The following ANO10 variants were observed in gnomAD, a reference collection of about 807,000 sequenced individuals.
ANO10 encodes anoctamin-10.
Under a neutral mutation model 74.7 loss-of-function variants are expected in ANO10, and 77 were observed. That is an observed-to-expected ratio of 1.03 (90% CI 0.86 to 1.25). The LOEUF (loss-of-function observed/expected upper bound fraction) is 1.25, where lower values mean the gene tolerates loss of function less well. ANO10 is among the 50% of genes most tolerant of loss of function. The pLI, the probability that ANO10 is intolerant of heterozygous loss-of-function variation, is 0.00. For synonymous variants in ANO10, 279 were observed against 284.9 expected (o/e 0.98, Z 0.21); for missense variants, 721 against 778.1 (o/e 0.93, Z 0.87).
intron 4 of ANO10, among the ~76,000 whole-genome samples, chr3:43,593,663 AC>A (rs199850850): frequency 0.055 from 8,417 of 152,280 alleles, 318 homozygotes; most frequent in Admixed American, 0.11. Context: ...AACATGCCCA[AC>A]TGTAAAGACC....
At chr3:43,678,780 T>C (rs2084156046) in intron 1 of ANO10, among the ~76,000 whole-genome samples, 2 of 152,236 alleles carry the variant, frequency 1.3e-5, no homozygotes, top group African/African-American at 4.8e-5. Context: ...CATAAAATTG[T>C]AATTTGAGCC....
intron 7 of ANO10, among the ~76,000 whole-genome samples, chr3:43,568,499 T>G (rs1240049237): frequency 7.3e-5 from 11 of 150,698 alleles, no homozygotes; most frequent in African/African-American, 2.7e-4. Flanking sequence ...CAGACCACAG[T>G]GCAATCAAAC....
intron 12 of ANO10, among the ~76,000 whole-genome samples, chr3:43,406,376 CTATAAA>C (rs1348210167): frequency 9.2e-5 from 14 of 152,300 alleles, no homozygotes; most frequent in African/African-American, 3.4e-4. Context: ...AAACATCGAG[CTATAAA>C]TATCATGACG....
At chr3:43,367,101 C>A in intron 12 of ANO10, 127 bp from the exon 13 acceptor site, 2 of 847,812 alleles carry the variant, frequency 2.4e-6, no homozygotes, top group South Asian at 1.4e-5. Flanking sequence ...ATGCTGCCTG[C>A]AGCTTCCTGC....
intron 11 of ANO10, among the ~76,000 whole-genome samples, chr3:43,526,061 T>C (rs1250536738): frequency 2.0e-5 from 3 of 152,166 alleles, no homozygotes; most frequent in Non-Finnish European, 4.4e-5. Flanking sequence ...AGTAAAAAAG[T>C]CATTAAATGC....
intron 11 of ANO10, among the ~76,000 whole-genome samples, chr3:43,466,057 A>G (rs976173405): frequency 6.6e-6 from 1 of 152,162 alleles, no homozygotes; most frequent in Admixed American, 6.5e-5. Flanking sequence ...GACTAACACT[A>G]TCTGACATGA....
chr3:43,683,547 A>G (rs2084230557), intron 1 of ANO10, among the ~76,000 whole-genome samples: 1 of 152,206 alleles, frequency 6.6e-6, no homozygotes, highest in South Asian at 2.1e-4. Context: ...TCAAGCTACC[A>G]ATGACTTTCT....
chr3:43,660,616 T>C (rs1321860761), intron 1 of ANO10, among the ~76,000 whole-genome samples: 1 of 152,112 alleles, frequency 6.6e-6, no homozygotes, highest in African/African-American at 2.4e-5. Flanking sequence ...CAAATCTATG[T>C]TTGATTGGTG....
chr3:43,680,212 T>C lies in ANO10; in HGVS notation c.-12+11305A>G, dbSNP rs182668933. ...AAAAAAAATTAGACGAATGGCTAAC[T>C]AGAATAACCAATGCAGAGGAGTCCT... On this transcript the variant is annotated intron_variant, in intron 1 of 3. Transcript: ENST00000413397. Among the ~76,000 whole-genome samples the C allele has an allele frequency of 8.9e-3, 1,356 of 152,136 alleles. 7 individuals are homozygous for C. Among genetic ancestry groups the C allele is most frequent in the African/African-American group, 0.019 (770 of 41,498 alleles).
intron 8 of ANO10, among the ~76,000 whole-genome samples, chr3:43,565,218 CAGACACTTT>C (rs1316844429): frequency 3.3e-5 from 5 of 152,150 alleles, no homozygotes; most frequent in Non-Finnish European, 5.9e-5. Flanking sequence ...AAATAAATGT[CAGACACTTT>C]AGAAAAGATA....
intron 1 of ANO10, among the ~76,000 whole-genome samples, chr3:43,650,507 A>AT (rs1163779580): frequency 1.3e-5 from 2 of 152,194 alleles, no homozygotes; most frequent in South Asian, 2.1e-4. Flanking sequence ...CAGTAACCTG[A>AT]TTTTTTTAAA....
At chr3:43,551,428 C>A in intron 10 of ANO10, 1 of 448,334 alleles carries the variant, frequency 2.2e-6, no homozygotes, top group Non-Finnish European at 4.5e-6. Context: ...AAACTGCATG[C>A]ATTTAAGGTA....
chr3:43,550,354 T>A (rs1040603671), intron 10 of ANO10, among the ~76,000 whole-genome samples: 2 of 152,158 alleles, frequency 1.3e-5, no homozygotes, highest in Non-Finnish European at 2.9e-5. Flanking sequence ...AAATCAAATG[T>A]AGAACTTTAG....
intron 10 of ANO10, among the ~76,000 whole-genome samples, chr3:43,553,080 C>T (rs1009566054): frequency 1.4e-4 from 22 of 152,052 alleles, no homozygotes; most frequent in Admixed American, 2.6e-4. Flanking sequence ...AGGCATGAGC[C>T]GCTGCACCCA....
At chr3:43,470,965 A>G (rs1009996135) in intron 11 of ANO10, among the ~76,000 whole-genome samples, 1 of 152,154 alleles carries the variant, frequency 6.6e-6, no homozygotes, top group Admixed American at 6.6e-5. Flanking sequence ...ATTTTTCTAT[A>G]AAACTAAGAC....
At position 43,576,550 on chromosome 3, in the gene ANO10, T is replaced by A. The variant is rs964004025; in HGVS notation, c.1162+142A>T. On this transcript the variant is annotated intron_variant, in intron 6 of 12. Coordinates refer to ENST00000292246, the MANE Select transcript of ANO10 (RefSeq NM_018075.5). ...TGGAGATCATCAGTGTTCACAAAGC[T>A]GATAAATTTTTCCTTATGTCTCTAT... is the stretch of plus-strand genomic sequence containing the variant. 16 of 762,118 alleles carry A rather than the reference T, an allele frequency of 2.1e-5. No individual in the cohort carries two copies. In the African/African-American group the frequency reaches 2.8e-4, roughly 13 times the overall value. 47.2% of individuals were successfully genotyped at this position (762,118 alleles called of 1,614,324 possible).
At chr3:43,491,467 T>C (rs1475551809) in intron 11 of ANO10, among the ~76,000 whole-genome samples, 1 of 152,108 alleles carries the variant, frequency 6.6e-6, no homozygotes, top group Admixed American at 6.6e-5. Context: ...TGAGCCAAGA[T>C]TGCGCCATTG....
chr3:43,368,740 G>GC (rs2091497988), intron 12 of ANO10, among the ~76,000 whole-genome samples: 1 of 150,418 alleles, frequency 6.6e-6, no homozygotes, highest in Non-Finnish European at 1.5e-5. Context: ...AGGCTGGAGT[G>GC]CAGAGGCGTG....
intron 4 of ANO10, among the ~76,000 whole-genome samples, chr3:43,584,342 T>C (rs1376669419): frequency 6.6e-6 from 1 of 152,174 alleles, no homozygotes; most frequent in African/African-American, 2.4e-5. Flanking sequence ...TAACTCCACT[T>C]GTTATCATAG....
Sources: gnomAD v4.1 joint callset for allele counts (sites outside exome capture counted in the v4.1 genomes callset) on GRCh38, gnomAD v4.1.1 for gene constraint, MANE v1.5 for transcripts, NCBI Gene and HGNC (gene_info 2026-07-23, HGNC 2026-07-21) for gene names.